GFI1: variants seen among roughly 807,000 people sequenced by gnomAD.
The protein encoded by GFI1 is growth factor independent 1 transcriptional repressor, also known as zinc finger protein Gfi-1.
GFI1 carries 15 observed loss-of-function variants against 39.2 expected under a neutral mutation model. The observed-to-expected ratio is 0.38, with a 90% CI of 0.26 to 0.59. The LOEUF is 0.59. GFI1 is among the 20% of genes least tolerant of loss of function. GFI1 has a pLI of 0.62. For missense variants in GFI1, 475 were observed against 574.0 expected, an observed-to-expected ratio of 0.83 and a Z score of 1.76; for synonymous variants, 239 against 254.3, an observed-to-expected ratio of 0.94 and a Z score of 0.57.
At chr1:92,486,252 G>T (rs1041546564) in intron 1 of GFI1, among the ~76,000 whole-genome samples, 1 of 152,214 alleles carries the variant, frequency 6.6e-6, no homozygotes, top group African/African-American at 2.4e-5. Context: ...GTGGCCAGGC[G>T]GTGGGGGGCC....
chr1:92,483,131 G>A lies in GFI1; in HGVS notation c.116-85C>T, dbSNP rs556262197. On this transcript the variant is annotated intron_variant, in intron 2 of 6. Coordinates refer to ENST00000294702, the MANE Select transcript of GFI1 (RefSeq NM_005263.5). ...AAGGCTCCCCCAATCCCCCGACCAG[G>A]GCAGCCGAGCGTCTTCCCCTCTCCA... 1.4e-3 allele frequency: 1,771 copies of A among 1,288,132 alleles called. 2 individuals carry two copies. Among genetic ancestry groups the A allele is most frequent in the Non-Finnish European group, 1.7e-3 (1,657 of 950,766 alleles). 79.8% of individuals were successfully genotyped at this position (1,288,132 alleles called of 1,614,324 possible).
In GFI1 at chr1:92,481,024, C is replaced by G. The variant is rs777555838; in HGVS notation, c.363G>C (p.Pro121=). The change falls in exon 4 of 7, where the codon CCG becomes CCC. Residue 121 remains proline, a synonymous_variant. Transcript: ENST00000294702. This position sits in a 1 kb window ranked among gnomAD's most constrained non-coding sequence, Gnocchi z 4.3. Reference sequence around the variant, plus strand: ...AACCCGCCAGGCCGCTCCATGAGTACGGTTTGAAAGGCAGGGGGAAGGGCT... The same window carrying G: ...AACCCGCCAGGCCGCTCCATGAGTAGGGTTTGAAAGGCAGGGGGAAGGGCT... ...EAQPFPLPFK[P]YSWSGLAGSD... is the part of the protein sequence containing the mutation. 3.7e-6 allele frequency: 6 copies of G among 1,611,714 alleles called. No individual in the cohort carries two copies. The highest frequency in any genetic ancestry group is 5.1e-6 in the Non-Finnish European group (6 of 1,179,224).
In GFI1 at chr1:92,483,586, C is replaced by A; in HGVS notation, c.-99G>T. ...TTGCTCAGCCCCAGCCCGGAGGAGA[C>A]CTGAGAGGGAAAGAAAACCAGGTGG... On this transcript the variant is annotated splice_region_variant and 5_prime_UTR_variant, in exon 2 of 7. Coordinates refer to ENST00000294702, the MANE Select transcript of GFI1 (RefSeq NM_005263.5). 1 of 749,412 alleles carries A rather than the reference C, an allele frequency of 1.3e-6. No individual in the cohort carries two copies. Among genetic ancestry groups the A allele is most frequent in the Admixed American group, 2.0e-5 (1 of 50,098 alleles). The allele number at this position is 749,412 out of a possible 1,614,324, so 46.4% of individuals were successfully genotyped here.
In GFI1 at chr1:92,478,613, C is replaced by T; in HGVS notation, c.1065G>A (p.Met355Ile). The T allele has an allele frequency of 6.2e-7, 1 of 1,614,110 alleles. No homozygotes were observed. Among genetic ancestry groups the T allele is most frequent in the Admixed American group, 1.7e-5 (1 of 60,010 alleles). ...CGKRFHQKSD[M>I]KKHTFIHTGE... ...CAGTGTGGATGAAAGTGTGTTTCTT[C>T]ATGTCTGACTTCTGGTGGAACCTCT... is the stretch of plus-strand genomic sequence containing the variant. Residue 355 changes from methionine (M) to isoleucine (I), a missense_variant, in exon 6 of 7, where the codon ATG becomes ATA. Around this residue, in one of 4 missense-constraint regions of GFI1, gnomAD observed 112 missense variants for 202.8 expected, o/e 0.55. Transcript: ENST00000294702.
rs971725414 is a variant in GFI1, at chr1:92,480,502, C to G, written c.787-17G>C. ...GGAGAACACCTAAGGCGGGTGGGGCCAGAGAGAAGGCCGCTGAGAGGGGCC... is the reference window on the plus strand; with the variant it reads ...GGAGAACACCTAAGGCGGGTGGGGCGAGAGAGAAGGCCGCTGAGAGGGGCC... On this transcript the variant is annotated splice_polypyrimidine_tract_variant and intron_variant, in intron 4 of 6. Coordinates refer to ENST00000294702, the MANE Select transcript of GFI1 (RefSeq NM_005263.5). The surrounding 1 kb of genome is among the most constrained non-coding windows in gnomAD (Gnocchi z 5.6). 2.6e-6 allele frequency: 4 copies of G among 1,549,014 alleles called. No homozygotes were observed. Among genetic ancestry groups the G allele is most frequent in the Admixed American group, 3.9e-5 (2 of 50,928 alleles).
chr1:92,478,533 T>G, intron 6 of GFI1, 55 bp downstream of exon 6: 4 of 1,443,596 alleles, frequency 2.8e-6, no homozygotes, highest in Non-Finnish European at 3.9e-6. Context: ...TCAGAGAAGA[T>G]GAGTAATGTT....
intron 1 of GFI1, among the ~76,000 whole-genome samples, chr1:92,485,653 G>A (rs6689470): frequency 0.14 from 20,884 of 152,176 alleles, 1,589 homozygotes; most frequent in Middle Eastern, 0.17. Context: ...CCCTCCGCGC[G>A]CTCAGGCCTC....
chr1:92,480,871 C>A lies in GFI1; in HGVS notation c.516G>T (p.Arg172=), dbSNP rs1391305912. 45 of 1,460,044 alleles carry A rather than the reference C, an allele frequency of 3.1e-5. No individual in the cohort carries two copies. Among genetic ancestry groups the A allele is most frequent in the Non-Finnish European group, 3.9e-5 (43 of 1,111,914 alleles). 90.4% of individuals were successfully genotyped at this position (1,460,044 alleles called of 1,614,324 possible). The change falls in exon 4 of 7, where the codon CGG becomes CGT. Residue 172 remains arginine (R), a synonymous_variant. Transcript: ENST00000294702. This position sits in a 1 kb window ranked among gnomAD's most constrained non-coding sequence, Gnocchi z 5.6. ...CCCCGGCCCCCGCGCCGCCGGCAGC[C>A]CGCTTCGGGCCGTACAGCGCGGCCG... ...GHPAALYGPK[R]AAGGAGAGAP...
At position 92,482,105 on chromosome 1, in the gene GFI1, C is replaced by G. The variant is rs1031862150; in HGVS notation, c.298+759G>C. On this transcript the variant is annotated intron_variant, in intron 3 of 6. Transcript: ENST00000294702. The surrounding 1 kb of genome is among the most constrained non-coding windows in gnomAD (Gnocchi z 4.4). Reference sequence around the variant, plus strand: ...CGCCGCCGGCTCCCAGACACACTTGCTGGAGCTATGGTTTTCGCCAAGTCA... The same window carrying G: ...CGCCGCCGGCTCCCAGACACACTTGGTGGAGCTATGGTTTTCGCCAAGTCA... 4.6e-5 allele frequency among the ~76,000 whole-genome samples: 7 copies of G among 152,164 alleles called. No individual in the cohort carries two copies. The highest frequency in any genetic ancestry group is 7.3e-5 in the Non-Finnish European group (5 of 68,034).
chr1:92,481,169 G>T lies in GFI1; in HGVS notation c.299-81C>A. ...GCCGGGCTGCGGCTGCGAGCGTGGC[G>T]TGTTCGCGGACTGCGGGGCACCCAG... On this transcript the variant is annotated intron_variant, in intron 3 of 6. Transcript: ENST00000294702. This position sits in a 1 kb window ranked among gnomAD's most constrained non-coding sequence, Gnocchi z 4.3. 1 of 1,249,510 alleles carries T rather than the reference G, an allele frequency of 8.0e-7. No homozygotes were observed. Among genetic ancestry groups the T allele is most frequent in the Non-Finnish European group, 1.1e-6 (1 of 874,666 alleles). The allele number at this position is 1,249,510 out of a possible 1,614,324, so 77.4% of individuals were successfully genotyped here. A position where few individuals can be genotyped will look rare whatever the true frequency, so the allele number is the denominator to read the frequency against.
intron 5 of GFI1, among the ~76,000 whole-genome samples, chr1:92,479,827 T>C (rs942983296): frequency 1.3e-5 from 2 of 151,434 alleles, no homozygotes; most frequent in East Asian, 1.9e-4. Flanking sequence ...CCCTCCAGCC[T>C]GGGCAACAGA....
chr1:92,483,276 C>G, intron 2 of GFI1, 97 bp downstream of exon 2: 2 of 784,770 alleles, frequency 2.5e-6, no homozygotes, highest in Middle Eastern at 3.4e-4. Flanking sequence ...GCAAAAGGGA[C>G]GTTGGGGCAG....
rs750535225 is a variant in GFI1 at position 92,483,526 on chromosome 1, C to G, written c.-39G>C. On this transcript the variant is annotated 5_prime_UTR_variant, in exon 2 of 7. Transcript: ENST00000294702. Reference sequence around the variant, plus strand: ...TTTCCCCACTGCGCCCCAAGAGTCCCTGGAGCCGCTGTCACCCACGGTCAC... The same window carrying G: ...TTTCCCCACTGCGCCCCAAGAGTCCGTGGAGCCGCTGTCACCCACGGTCAC... 2.5e-6 allele frequency: 3 copies of G among 1,189,354 alleles called. No homozygotes were observed. The East Asian group carries it at 7.4e-5, about 29-fold the overall frequency. The allele number at this position is 1,189,354 out of a possible 1,614,324, so 73.7% of individuals were successfully genotyped here.
chr1:92,484,912 C>A lies in GFI1; in HGVS notation c.-99-1326G>T, dbSNP rs1485559082. Among the ~76,000 whole-genome samples the A allele has an allele frequency of 6.6e-6, 1 of 152,242 alleles. No homozygotes were observed. Among genetic ancestry groups the A allele is most frequent in the African/African-American group, 2.4e-5 (1 of 41,464 alleles). On this transcript the variant is annotated intron_variant, in intron 1 of 6. Coordinates refer to ENST00000294702, the MANE Select transcript of GFI1 (RefSeq NM_005263.5). This position sits in a 1 kb window ranked among gnomAD's most constrained non-coding sequence, Gnocchi z 4.1. ...CTGGGCCGGGGCAGGACCTGCAGTC[C>A]TCCGGCTTCGCGCTGTTTCCACTGC...
intron 5 of GFI1, among the ~76,000 whole-genome samples, chr1:92,479,478 A>G (rs1436014536): frequency 1.1e-4 from 16 of 152,214 alleles, no homozygotes; most frequent in Admixed American, 1.0e-3. Flanking sequence ...GCATGCTGTC[A>G]AGGACCTGAT....
In GFI1 at chr1:92,483,001, C is replaced by A; in HGVS notation, c.161G>T (p.Arg54Leu). ...GGTCAGCTGCGATTCGGGGGACAAA[C>A]GGTCCCGGGGCTCCGCCTTCGCCCC... The part of the protein sequence containing the change: ...AGGAKAEPRD[R>L]LSPESQLTEA... The change falls in exon 3 of 7, where the codon CGT (arginine) becomes CTT (leucine). Residue 54 changes from arginine (R) to leucine (L), a missense_variant. Transcript: ENST00000294702. 1 of 1,609,236 alleles carries A rather than the reference C, an allele frequency of 6.2e-7. No homozygotes were observed. Among genetic ancestry groups the A allele is most frequent in the Non-Finnish European group, 8.5e-7 (1 of 1,177,618 alleles).
rs1009645289 is a variant in GFI1 at position 92,480,103 on chromosome 1, C to T, written c.924+245G>A. ...TCAAGCCCAAAGTAACAATGAGGATCACACTCTCGAGGCTCACAGTGGTGT... is the reference window on the plus strand; with the variant it reads ...TCAAGCCCAAAGTAACAATGAGGATTACACTCTCGAGGCTCACAGTGGTGT... On this transcript the variant is annotated intron_variant, in intron 5 of 6. Transcript: ENST00000294702. This position sits in a 1 kb window ranked among gnomAD's most constrained non-coding sequence, Gnocchi z 5.6. Among the ~76,000 whole-genome samples the T allele has an allele frequency of 2.0e-5, 3 of 152,240 alleles. No individual in the cohort carries two copies. The highest frequency in any genetic ancestry group is 7.2e-5 in the African/African-American group (3 of 41,470).
rs149914857 is a variant in GFI1, at chr1:92,481,068, G to C, written c.319C>G (p.Pro107Ala). 3.8e-3 allele frequency: 6,159 copies of C among 1,611,614 alleles called. 15 individuals carry two copies. Among genetic ancestry groups the C allele is most frequent in the Non-Finnish European group, 4.7e-3 (5,496 of 1,178,844 alleles). Residue 107 changes from proline (P) to alanine (A), a missense_variant, in exon 4 of 7, where the codon CCA (proline) becomes GCA (alanine). Coordinates refer to ENST00000294702, the MANE Select transcript of GFI1 (RefSeq NM_005263.5). This position sits in a 1 kb window ranked among gnomAD's most constrained non-coding sequence, Gnocchi z 4.3. Reference sequence around the variant, plus strand: ...AAGGGCTGGGCTTCGTCCAGCGATGGGCACATTGACTTCTCCGAGGCTGTG... The same window carrying C: ...AAGGGCTGGGCTTCGTCCAGCGATGCGCACATTGACTTCTCCGAGGCTGTG... ...ASPASEKSMCPSLDEAQPFPL... is the reference protein window; with the variant it reads ...ASPASEKSMCASLDEAQPFPL...
In GFI1 at chr1:92,483,460, T is replaced by C. The variant is rs1315982485; in HGVS notation, c.28A>G (p.Lys10Glu). 1 of 1,611,484 alleles carries C rather than the reference T, an allele frequency of 6.2e-7. No individual in the cohort carries two copies. Reference protein sequence around the residue: MPRSFLVKSKKAHSYHQPRS... With the variant: MPRSFLVKSEKAHSYHQPRS... ...GGCTGGTGGTAGCTGTGAGCCTTCTTGCTTTTGACGAGAAATGAGCGCGGC... is the reference window on the plus strand; with the variant it reads ...GGCTGGTGGTAGCTGTGAGCCTTCTCGCTTTTGACGAGAAATGAGCGCGGC... The change falls in exon 2 of 7, where the codon AAG becomes GAG. Residue 10 changes from lysine (K) to glutamate (E), a missense_variant. Physicochemically the swap from Lys to Glu is moderately conservative, Grantham distance 56. Around this residue, in one of 4 missense-constraint regions of GFI1, gnomAD observed 275 missense variants for 275.8 expected, o/e 1.00. Coordinates refer to ENST00000294702, the MANE Select transcript of GFI1 (RefSeq NM_005263.5).
Sources: allele counts gnomAD v4.1 joint callset (sites outside exome capture counted in the v4.1 genomes callset), GRCh38; gene constraint gnomAD v4.1.1; regional missense constraint gnomAD v4.1.1; non-coding constraint Gnocchi (gnomAD v3.1); transcripts MANE v1.5; gene names NCBI Gene and HGNC (gene_info 2026-07-23, HGNC 2026-07-21).